LRP3: variants seen among roughly 807,000 people sequenced by gnomAD.
LRP3 encodes low-density lipoprotein receptor-related protein 3.
Under a neutral mutation model 58.5 loss-of-function variants are expected in LRP3, and 49 were observed. The observed-to-expected ratio is 0.84, with a 90% CI of 0.67 to 1.06. The LOEUF (loss-of-function observed/expected upper bound fraction) is 1.06, where lower values mean the gene tolerates loss of function less well. LRP3 is among the 50% of genes least tolerant of loss of function. LRP3 has a pLI of 0.00. For synonymous variants in LRP3, 485 were observed against 492.2 expected (o/e 0.99, Z 0.20); for missense variants, 1,019 against 1,134.2 (o/e 0.90, Z 1.46).
At chr19:33,197,429 A>G (rs1332886937) in intron 2 of LRP3, among the ~76,000 whole-genome samples, 2 of 152,168 alleles carry the variant, frequency 1.3e-5, no homozygotes, top group African/African-American at 4.8e-5. Flanking sequence ...GTTTGAGACC[A>G]GCCTGAGCAA....
At chr19:33,202,251 C>T (rs1224643610) in intron 2 of LRP3, among the ~76,000 whole-genome samples, 2 of 152,250 alleles carry the variant, frequency 1.3e-5, no homozygotes, top group Admixed American at 1.3e-4. Context: ...TCTCTTCAGG[C>T]CTGTTGTAGT....
At position 33,205,772 on chromosome 19, in the gene LRP3, G is replaced by A. The variant is rs113008448; in HGVS notation, c.1002G>A (p.Val334=). 4.4e-6 allele frequency: 7 copies of A among 1,588,984 alleles called. No homozygotes were observed. Among genetic ancestry groups the A allele is most frequent in the Admixed American group, 1.7e-5 (1 of 57,408 alleles). Residue 334 remains valine, a synonymous_variant, in exon 5 of 7, where the codon GTG becomes GTA. Transcript: ENST00000253193. ...CCTACCGCAGCAACCACCGGCCCGTGAGCCTGGAGGCCGCCCAGGGCCGCC... is the reference window on the plus strand; with the variant it reads ...CCTACCGCAGCAACCACCGGCCCGTAAGCCTGGAGGCCGCCCAGGGCCGCC... The part of the protein sequence containing the change: ...TLSYRSNHRP[V]SLEAAQGRLT...
At chr19:33,206,802 G>C in intron 6 of LRP3, 69 bp downstream of exon 6, 2 of 1,453,668 alleles carry the variant, frequency 1.4e-6, no homozygotes, top group Non-Finnish European at 1.8e-6. Flanking sequence ...GGCTGGTCCA[G>C]GGGTCACAGG....
At chr19:33,198,683 A>G (rs1974309984) in intron 2 of LRP3, among the ~76,000 whole-genome samples, 1 of 152,156 alleles carries the variant, frequency 6.6e-6, no homozygotes, top group African/African-American at 2.4e-5. Context: ...AAGCCCAGGT[A>G]TGTTGGGCCC....
In LRP3 at chr19:33,205,694, G is replaced by C; in HGVS notation, c.924G>C (p.Val308=). Residue 308 remains valine, a synonymous_variant, in exon 5 of 7, where the codon GTG becomes GTC. Transcript: ENST00000253193. ...LELRLGYDDY[V]QVYEGLGERG... is the part of the protein sequence containing the mutation. ...TGCGGCTGGGCTATGACGACTACGT[G>C]CAGGTATACGAGGGCCTGGGCGAGC... 1.9e-6 allele frequency: 3 copies of C among 1,606,410 alleles called. No individual in the cohort carries two copies. The South Asian group carries it at 3.3e-5, about 18-fold the overall frequency.
At position 33,206,190 on chromosome 19, in the gene LRP3, T is replaced by C; in HGVS notation, c.1420T>C (p.Cys474Arg). The C allele has an allele frequency of 6.3e-7, 1 of 1,594,836 alleles. No individual in the cohort carries two copies. Among genetic ancestry groups the C allele is most frequent in the Non-Finnish European group, 8.5e-7 (1 of 1,170,224 alleles). Residue 474 changes from cysteine to arginine, a missense_variant, in exon 5 of 7, where the codon TGT becomes CGT. Physicochemically the swap from Cys to Arg is radical, Grantham distance 180 (BLOSUM62 -3). Around this residue, in one of 2 missense-constraint regions of LRP3, gnomAD observed 592 missense variants for 725.5 expected, o/e 0.82. Coordinates refer to ENST00000253193, the MANE Select transcript of LRP3 (RefSeq NM_002333.4). Reference protein sequence around the residue: ...TNLCIFETWRCDGQEDCQDGS... With the variant: ...TNLCIFETWRRDGQEDCQDGS... Reference sequence around the variant, plus strand: ...CCTGTGCATCTTCGAGACGTGGCGCTGTGACGGCCAGGAAGACTGCCAGGA... The same window carrying C: ...CCTGTGCATCTTCGAGACGTGGCGCCGTGACGGCCAGGAAGACTGCCAGGA...
chr19:33,205,542 C>A lies in LRP3; in HGVS notation c.772C>A (p.Leu258Met), dbSNP rs745888310. 2 of 1,590,416 alleles carry A rather than the reference C, an allele frequency of 1.3e-6. No individual in the cohort carries two copies. The highest frequency in any genetic ancestry group is 1.7e-6 in the Non-Finnish European group (2 of 1,170,366). Residue 258 changes from leucine to methionine, a missense_variant, in exon 5 of 7, where the codon CTG becomes ATG. This residue lies in a region of LRP3 where 592 missense variants were observed against 725.5 expected (regional missense o/e 0.82). Transcript: ENST00000253193. Reference protein sequence around the residue: ...GCPDLACGRRLGSFYGSFASP... With the variant: ...GCPDLACGRRMGSFYGSFASP... ...CCCCGACCTGGCGTGCGGCCGGCGG[C>A]TGGGCAGCTTCTACGGCTCCTTTGC...
intron 3 of LRP3, chr19:33,203,860 G>A (rs1974370352): frequency 6.6e-6 from 1 of 152,388 alleles, no homozygotes; most frequent in Admixed American, 6.5e-5. Flanking sequence ...ATCAGGCAAA[G>A]CCCGGGTGCT....
rs147346611 is a variant in LRP3, at chr19:33,206,647, C to T, written c.1639C>T (p.Arg547Trp). Residue 547 changes from arginine to tryptophan, a missense_variant, in exon 6 of 7, where the codon CGG becomes TGG. Arg to Trp is a moderately radical substitution (Grantham distance 101, BLOSUM62 -3). Transcript: ENST00000253193. Reference sequence around the variant, plus strand: ...GCGCCTGGAGGCTGAGTTCGTGCGGCGGGAGGCACCCCCATCCTATGGTCA... The same window carrying T: ...GCGCCTGGAGGCTGAGTTCGTGCGGTGGGAGGCACCCCCATCCTATGGTCA... ...MTRLEAEFVR[R>W]EAPPSYGQLI... The T allele has an allele frequency of 3.8e-6, 6 of 1,598,226 alleles. No individual in the cohort carries two copies. The highest frequency in any genetic ancestry group is 5.1e-6 in the Non-Finnish European group (6 of 1,172,378).
In LRP3 at chr19:33,205,720, G is replaced by T. The variant is rs201145412; in HGVS notation, c.950G>T (p.Arg317Leu). The change falls in exon 5 of 7, where the codon CGC (arginine) becomes CTC (leucine). Residue 317 changes from arginine to leucine, a missense_variant. By Grantham distance (102) the Arg-to-Leu change is moderately radical. This residue lies in a region of LRP3 where 592 missense variants were observed against 725.5 expected (regional missense o/e 0.82). Coordinates refer to ENST00000253193, the MANE Select transcript of LRP3 (RefSeq NM_002333.4). ...CAGGTATACGAGGGCCTGGGCGAGC[G>T]CGGGGACCGCCTGCTGCAGACGCTG... ...YVQVYEGLGE[R>L]GDRLLQTLSY... 1 of 1,600,722 alleles carries T rather than the reference G, an allele frequency of 6.2e-7. No individual in the cohort carries two copies. Among genetic ancestry groups the T allele is most frequent in the South Asian group, 1.1e-5 (1 of 90,556 alleles).
Position 33,202,713 on chromosome 19 carries a change from C to A in LRP3, c.122-135C>A, listed in dbSNP as rs1974353342. 5.0e-6 allele frequency: 5 copies of A among 999,934 alleles called. No homozygotes were observed. The East Asian group carries it at 7.9e-5, about 16-fold the overall frequency. The allele number at this position is 999,934 out of a possible 1,614,324, so 61.9% of individuals were successfully genotyped here. A position where few individuals can be genotyped will look rare whatever the true frequency, so the allele number is the denominator to read the frequency against. On this transcript the variant is annotated intron_variant, in intron 2 of 6. Transcript: ENST00000253193. The stretch of plus-strand genomic sequence containing the variant: ...CATGAAGTCACAAGTTGTGGCCTTG[C>A]CCTTGGCCATGGCCACCCTTGGCTG...
intron 2 of LRP3, among the ~76,000 whole-genome samples, chr19:33,198,464 G>A (rs1974307898): frequency 6.6e-6 from 1 of 152,160 alleles, no homozygotes; most frequent in East Asian, 1.9e-4. Flanking sequence ...CTGACCACCT[G>A]CAGGTGGCCC....
At position 33,206,256 on chromosome 19, in the gene LRP3, A is replaced by G; in HGVS notation, c.1486A>G (p.Lys496Glu). 1 of 1,598,928 alleles carries G rather than the reference A, an allele frequency of 6.3e-7. No homozygotes were observed. The highest frequency in any genetic ancestry group is 8.5e-7 in the Non-Finnish European group (1 of 1,173,068). Reference sequence around the variant, plus strand: ...TGGGTGCCTGGCCGCCGTGCCCCGCAAGGTCATCACGGCGGCGCTCATTGG... The same window carrying G: ...TGGGTGCCTGGCCGCCGTGCCCCGCGAGGTCATCACGGCGGCGCTCATTGG... ...EHGCLAAVPR[K>E]VITAALIGSL... Residue 496 changes from lysine (K) to glutamate (E), a missense_variant, in exon 5 of 7, where the codon AAG becomes GAG. Physicochemically the swap from Lys to Glu is moderately conservative, Grantham distance 56. Around this residue, in one of 2 missense-constraint regions of LRP3, gnomAD observed 427 missense variants for 408.6 expected, o/e 1.04. Coordinates refer to ENST00000253193, the MANE Select transcript of LRP3 (RefSeq NM_002333.4).
In LRP3 at chr19:33,204,849, C is replaced by G. The variant is rs760569914; in HGVS notation, c.472C>G (p.Arg158Gly). The change falls in exon 4 of 7, where the codon CGA becomes GGA. Residue 158 changes from arginine (R) to glycine (G), a missense_variant. This residue lies in a region of LRP3 where 592 missense variants were observed against 725.5 expected (regional missense o/e 0.82). Coordinates refer to ENST00000253193, the MANE Select transcript of LRP3 (RefSeq NM_002333.4). ...CCAGGGCTTCCGTCTGTCTTACATCCGAGGTGATGGAGGCTGCAGGGCAGG... is the reference window on the plus strand; with the variant it reads ...CCAGGGCTTCCGTCTGTCTTACATCGGAGGTGATGGAGGCTGCAGGGCAGG... ...QAQGFRLSYI[R>G]GKLGQASCQA... 1.9e-6 allele frequency: 3 copies of G among 1,612,822 alleles called. No homozygotes were observed. Among genetic ancestry groups the G allele is most frequent in the Middle Eastern group, 1.7e-4 (1 of 6,060 alleles).
intron 1 of LRP3, among the ~76,000 whole-genome samples, chr19:33,196,121 C>T (rs192057623): frequency 8.9e-4 from 136 of 152,288 alleles, no homozygotes; most frequent in African/African-American, 3.1e-3. Flanking sequence ...TCCTCAAAGT[C>T]AGCTTGGCAC....
At chr19:33,201,723 T>A (rs2376556) in intron 2 of LRP3, among the ~76,000 whole-genome samples, 15,747 of 151,930 alleles carry the variant, frequency 0.1, 1,683 homozygotes, top group African/African-American at 0.27. Flanking sequence ...GTTGTGAGAA[T>A]CAGATGGACC....
At position 33,208,764 on chromosome 19, in the gene LRP3, G is replaced by C. The variant is rs138530865; in HGVS notation, c.*1189G>C. 4.9e-4 allele frequency: 609 copies of C among 1,244,372 alleles called. 12 individuals carry two copies. In the South Asian group the frequency reaches 7.5e-3, roughly 15 times the overall value. 77.1% of individuals were successfully genotyped at this position (1,244,372 alleles called of 1,614,324 possible). ...CCACATTTTAGGGCTTCCTTAAACA[G>C]GCTTCTGAGAGTCGTATCTTTTTTC... On this transcript the variant is annotated 3_prime_UTR_variant, in exon 7 of 7. Transcript: ENST00000253193. The surrounding 1 kb of genome is among the most constrained non-coding windows in gnomAD (Gnocchi z 4.7).
chr19:33,205,077 C>A, intron 4 of LRP3, 169 bp from the exon 5 acceptor site: 1 of 818,308 alleles, frequency 1.2e-6, no homozygotes, highest in Non-Finnish European at 1.9e-6. Context: ...CCTGGGAACT[C>A]ACCCCTAACC....
At chr19:33,206,487 G>T in intron 5 of LRP3, 114 bp from the exon 6 acceptor site, 2 of 1,591,980 alleles carry the variant, frequency 1.3e-6, no homozygotes, top group Non-Finnish European at 1.7e-6. Context: ...GGTGCACACT[G>T]GGGTCCCTAT....
Sources: gnomAD v4.1 joint callset for allele counts (sites outside exome capture counted in the v4.1 genomes callset) on GRCh38, gnomAD v4.1.1 for gene constraint, gnomAD v4.1.1 regional missense constraint, Gnocchi (gnomAD v3.1) non-coding constraint, MANE v1.5 for transcripts, NCBI Gene and HGNC (gene_info 2026-07-23, HGNC 2026-07-21) for gene names.